Variants in SMIM35 observed in about 807,000 individuals in gnomAD.
The protein encoded by SMIM35 is TMPRSS4 antisense RNA 1 (non-protein coding).
At chr11:118,069,339 A>T (rs963571184) in intron 1 of SMIM35, among the ~76,000 whole-genome samples, 1 of 152,188 alleles carries the variant, frequency 6.6e-6, no homozygotes, top group African/African-American at 2.4e-5. Context: ...CCAGGCCTTA[A>T]TTAAGATCTT....
rs1199211724 is a variant in SMIM35 at position 118,014,421 on chromosome 11, GATGGATGGATGA to G, written c.158+275_158+286del. The stretch of plus-strand genomic sequence containing the variant: ...GGATGGATGGATGGATGGATGGATG[GATGGATGGATGA>G]ATGGATGGATGGATGGGTGGATGGA... On this transcript the variant is annotated intron_variant, in intron 3 of 4. Coordinates refer to ENST00000689828, the MANE Select transcript of SMIM35 (RefSeq NM_001394165.1). Among the ~76,000 whole-genome samples the G allele has an allele frequency of 4.2e-5, 6 of 143,478 alleles. No homozygotes were observed. In the East Asian group the frequency reaches 5.9e-4, roughly 14 times the overall value. The allele number at this position is 143,478 out of a possible 152,430, so 94.1% of individuals were successfully genotyped here. A position where few individuals can be genotyped will look rare whatever the true frequency, so the allele number is the denominator to read the frequency against.
chr11:118,018,687 G>A (rs2512154), intron 1 of SMIM35, among the ~76,000 whole-genome samples: 20,367 of 152,140 alleles, frequency 0.13, 1,397 homozygotes, highest in Admixed American at 0.16. Flanking sequence ...GAAATCACAG[G>A]CCTTCCAGAG....
At chr11:118,027,390 G>A (rs2058284057) in intron 1 of SMIM35, among the ~76,000 whole-genome samples, 1 of 151,778 alleles carries the variant, frequency 6.6e-6, no homozygotes. Context: ...CCATCATTTT[G>A]CAGTTAAAGA....
At chr11:118,068,125 G>A (rs935687658) in intron 1 of SMIM35, among the ~76,000 whole-genome samples, 1 of 151,800 alleles carries the variant, frequency 6.6e-6, no homozygotes, top group Non-Finnish European at 1.5e-5. Context: ...CATAACTGGA[G>A]CCATGTATGA....
chr11:118,047,215 G>A lies in SMIM35; in HGVS notation c.8-31406C>T, dbSNP rs117550609. 3.4e-3 allele frequency among the ~76,000 whole-genome samples: 525 copies of A among 152,314 alleles called. 5 individuals are homozygous for A. The highest frequency in any genetic ancestry group is 5.7e-3 in the Non-Finnish European group (389 of 68,032). ...TGTGTGCATCTGCGAGGGTCTAAGG[G>A]GGTTAGCATATTGTGACATGTTTAC... is the stretch of plus-strand genomic sequence containing the variant. On this transcript the variant is annotated intron_variant, in intron 1 of 4. Transcript: ENST00000689828.
intron 1 of SMIM35, among the ~76,000 whole-genome samples, chr11:118,053,101 T>C (rs1017396065): frequency 6.6e-6 from 1 of 150,952 alleles, no homozygotes; most frequent in Non-Finnish European, 1.5e-5. Context: ...AGGTCAGGAG[T>C]TCAAGACCAG....
chr11:118,084,258 G>A (rs1945374471), intron 1 of SMIM35, among the ~76,000 whole-genome samples: 1 of 152,082 alleles, frequency 6.6e-6, no homozygotes, highest in South Asian at 2.1e-4. Context: ...TAGGCTGCAG[G>A]ATTCCACGGC....
At chr11:118,077,064 A>G in intron 1 of SMIM35, 1 of 488,552 alleles carries the variant, frequency 2.0e-6, no homozygotes, top group Non-Finnish European at 3.6e-6. Flanking sequence ...CAAGCTGCCC[A>G]AAGTCCCCCA....
intron 1 of SMIM35, among the ~76,000 whole-genome samples, chr11:118,070,293 C>T (rs1944551563): frequency 6.6e-6 from 1 of 152,138 alleles, no homozygotes. Flanking sequence ...TCTCCTGCCT[C>T]GGGCTCCCCA....
chr11:118,081,015 G>A (rs983455701), intron 1 of SMIM35, among the ~76,000 whole-genome samples: 6 of 152,220 alleles, frequency 3.9e-5, no homozygotes, highest in African/African-American at 1.4e-4. Context: ...AGCTTCTTGA[G>A]GACAGGGTCT....
At chr11:118,030,989 G>A (rs2058314895) in intron 1 of SMIM35, among the ~76,000 whole-genome samples, 1 of 151,892 alleles carries the variant, frequency 6.6e-6, no homozygotes, top group South Asian at 2.1e-4. Flanking sequence ...AGCAGAGATT[G>A]GATATTGATT....
Position 118,029,225 on chromosome 11 carries a change from G to T in SMIM35, c.8-13416C>A, listed in dbSNP as rs2058298395. Among the ~76,000 whole-genome samples the T allele has an allele frequency of 2.0e-5, 3 of 152,314 alleles. No homozygotes were observed. In the South Asian group the frequency reaches 6.2e-4, roughly 32 times the overall value. ...ACCTATAATCCCAGCACTTTGGGAG[G>T]CCGAGGCAGGCGGATTACTTGAGGT... On this transcript the variant is annotated intron_variant, in intron 1 of 4. Transcript: ENST00000689828.
chr11:118,045,996 G>A (rs187037530), intron 1 of SMIM35, among the ~76,000 whole-genome samples: 2 of 152,306 alleles, frequency 1.3e-5, no homozygotes, highest in Admixed American at 6.5e-5. Context: ...TAAGTGAGAC[G>A]TGTATGTGAA....
intron 1 of SMIM35, among the ~76,000 whole-genome samples, chr11:118,073,203 G>T (rs1170831576): frequency 6.6e-6 from 1 of 152,234 alleles, no homozygotes; most frequent in Non-Finnish European, 1.5e-5. Flanking sequence ...CTCCCAAAGT[G>T]CTGGGAATAC....
At chr11:118,010,167 T>C (rs529703836) in intron 4 of SMIM35, among the ~76,000 whole-genome samples, 1 of 152,314 alleles carries the variant, frequency 6.6e-6, no homozygotes, top group South Asian at 2.1e-4. Context: ...CAGTCTCTGC[T>C]CCTCCTTTTG....
intron 4 of SMIM35, among the ~76,000 whole-genome samples, chr11:118,007,659 G>T (rs1191508636): frequency 6.6e-6 from 1 of 152,038 alleles, no homozygotes. Context: ...CTCCCAAAGT[G>T]CTGGGATTAT....
intron 1 of SMIM35, among the ~76,000 whole-genome samples, chr11:118,030,602 G>A (rs1461909019): frequency 1.3e-5 from 2 of 152,166 alleles, no homozygotes; most frequent in Non-Finnish European, 2.9e-5. Context: ...GTGAAGCGGG[G>A]TCCATGGAGA....
At chr11:118,023,174 C>T (rs60169792) in intron 1 of SMIM35, among the ~76,000 whole-genome samples, 14,484 of 151,822 alleles carry the variant, frequency 0.095, 950 homozygotes, top group East Asian at 0.36. Context: ...AACAGAACAA[C>T]CAACAGAGCA....
intron 4 of SMIM35, among the ~76,000 whole-genome samples, chr11:118,007,117 C>G (rs866332288): frequency 1.1e-4 from 17 of 152,172 alleles, no homozygotes; most frequent in Non-Finnish European, 8.8e-5. Flanking sequence ...TCCCCACCCC[C>G]ACCCAGCACT....
Sources: allele counts gnomAD v4.1 joint callset (sites outside exome capture counted in the v4.1 genomes callset), GRCh38; gene constraint gnomAD v4.1.1; transcripts MANE v1.5; gene names NCBI Gene and HGNC (gene_info 2026-07-23, HGNC 2026-07-21).